The following GATA6 variants were observed in gnomAD, a reference collection of about 807,000 sequenced individuals.
GATA6 encodes the protein transcription factor GATA-6.
GATA6 carries 11 observed loss-of-function variants against 48.1 expected under a neutral mutation model. That is an observed-to-expected ratio of 0.23 (90% CI 0.14 to 0.38). The LOEUF (loss-of-function observed/expected upper bound fraction) is 0.38. Among genes scored for constraint, GATA6 ranks in the 10% least tolerant of loss-of-function variants. The pLI is 1.00. For synonymous variants in GATA6, 419 were observed against 396.1 expected (o/e 1.06, Z -0.69); for missense variants, 795 against 850.3 (o/e 0.93, Z 0.81).
chr18:22,194,964 G>A (rs1358240608), intron 6 of GATA6, among the ~76,000 whole-genome samples: 2 of 152,064 alleles, frequency 1.3e-5, no homozygotes, highest in Admixed American at 6.6e-5. Context: ...TCAGGAGTTC[G>A]AGATCAGCCT....
intron 2 of GATA6, among the ~76,000 whole-genome samples, chr18:22,175,216 TGAGA>T (rs1212750536): frequency 2.0e-5 from 3 of 152,160 alleles, no homozygotes; most frequent in Non-Finnish European, 4.4e-5. Context: ...AGGGAGGGAA[TGAGA>T]GAGATTTTAT....
chr18:22,181,318 T>A, intron 3 of GATA6, 135 bp from the exon 4 acceptor site: 1 of 1,124,144 alleles, frequency 8.9e-7, no homozygotes, highest in Non-Finnish European at 1.3e-6. Flanking sequence ...CAATTTTTTT[T>A]CTCAAGGACC....
intron 4 of GATA6, 70 bp from the exon 5 acceptor site, chr18:22,182,687 T>G: frequency 3.6e-6 from 4 of 1,101,822 alleles, no homozygotes; most frequent in Non-Finnish European, 5.4e-6. Context: ...GAGCTTTTAG[T>G]GCCAATGTTG....
intron 2 of GATA6, among the ~76,000 whole-genome samples, chr18:22,174,527 AAGTATT>A (rs2033097074): frequency 6.8e-6 from 1 of 146,302 alleles, no homozygotes; most frequent in African/African-American, 2.8e-5. Flanking sequence ...TTATTTTTTT[AAGTATT>A]TTTTTAAGTA....
intron 6 of GATA6, among the ~76,000 whole-genome samples, chr18:22,195,322 C>A (rs112439378): frequency 0.025 from 3,777 of 152,272 alleles, 158 homozygotes; most frequent in African/African-American, 0.085. Context: ...GCCCTTCTGA[C>A]CCGCCCTCCT....
rs1944909463 is a variant in GATA6, at chr18:22,172,047, G to T, written c.903G>T (p.Ala301=). Residue 301 remains alanine (A), a synonymous_variant, in exon 2 of 7, where the codon GCG becomes GCT. Coordinates refer to ENST00000269216, the MANE Select transcript of GATA6 (RefSeq NM_005257.6). This position sits in a 1 kb window ranked among gnomAD's most constrained non-coding sequence, Gnocchi z 5.2. ...TGAGCGGCGGCGGCAGTAGCCTGGC[G>T]GCCATGGGCGGCCGCGAGCCCCAGT... ...GGVSGGGSSL[A]AMGGREPQYS... 7.9e-7 allele frequency: 1 copy of T among 1,265,720 alleles called. No individual in the cohort carries two copies. Among genetic ancestry groups the T allele is most frequent in the Non-Finnish European group, 9.9e-7 (1 of 1,008,620 alleles). The allele number at this position is 1,265,720 out of a possible 1,614,324, so 78.4% of individuals were successfully genotyped here.
At chr18:22,176,787 C>T in intron 2 of GATA6, 168 bp from the exon 3 acceptor site, 1 of 751,608 alleles carries the variant, frequency 1.3e-6, no homozygotes, top group East Asian at 2.9e-5. Context: ...GCAATAGTGA[C>T]GAAATAACCC....
chr18:22,171,450 C>G lies in GATA6; in HGVS notation c.306C>G (p.Pro102=). 2 of 1,596,174 alleles carry G rather than the reference C, an allele frequency of 1.3e-6. No homozygotes were observed. The highest frequency in any genetic ancestry group is 1.7e-6 in the Non-Finnish European group (2 of 1,178,128). The change falls in exon 2 of 7, where the codon CCC becomes CCG. Residue 102 remains proline, a synonymous_variant. Transcript: ENST00000269216. This position sits in a 1 kb window ranked among gnomAD's most constrained non-coding sequence, Gnocchi z 7.1. ...HGPSAPGVAG[P]GGNLSSWEDL... is the part of the protein sequence containing the mutation. ...CTTCGGCGCCTGGGGTCGCGGGCCC[C>G]GGGGGCAACCTGTCGAGCTGGGAGG... is the stretch of plus-strand genomic sequence containing the variant.
intron 6 of GATA6, among the ~76,000 whole-genome samples, chr18:22,190,703 C>T (rs767187518): frequency 3.3e-5 from 5 of 152,204 alleles, no homozygotes; most frequent in African/African-American, 1.2e-4. Flanking sequence ...CTGGAACCGA[C>T]GTCTCCTGCC....
intron 2 of GATA6, among the ~76,000 whole-genome samples, chr18:22,173,366 C>T (rs556653307): frequency 2.4e-4 from 36 of 152,032 alleles, no homozygotes; most frequent in South Asian, 4.1e-4. Context: ...GGGGGAGGCC[C>T]CTTGAGTCAC....
chr18:22,184,315 C>G (rs1568000576), intron 6 of GATA6, among the ~76,000 whole-genome samples: 1 of 150,520 alleles, frequency 6.6e-6, no homozygotes, highest in African/African-American at 2.4e-5. Context: ...TAGAGTTTCA[C>G]AAGGGAAGAA....
chr18:22,200,434 G>A (rs1319333202), intron 6 of GATA6, among the ~76,000 whole-genome samples: 3 of 152,204 alleles, frequency 2.0e-5, no homozygotes, highest in Non-Finnish European at 4.4e-5. Flanking sequence ...TAAGTGGCCA[G>A]GGTCAGGTCA....
At position 22,200,966 on chromosome 18, in the gene GATA6, C is replaced by CA; in HGVS notation, c.*145dup. The CA allele has an allele frequency of 3.0e-6, 3 of 992,498 alleles. No individual in the cohort carries two copies. The highest frequency in any genetic ancestry group is 2.9e-6 in the Non-Finnish European group (2 of 682,914). 61.5% of individuals were successfully genotyped at this position (992,498 alleles called of 1,614,324 possible). A position where few individuals can be genotyped will look rare whatever the true frequency, so the allele number is the denominator to read the frequency against. ...TTTATTTTGAAAGAGATGTTTTTCC[C>CA]AAGAGGCTTGCTGAAAGAGTGAGAG... On this transcript the variant is annotated 3_prime_UTR_variant, in exon 7 of 7. Transcript: ENST00000269216.
chr18:22,175,428 T>C (rs1239941742), intron 2 of GATA6: 2 of 152,220 alleles, frequency 1.3e-5, no homozygotes, highest in Non-Finnish European at 2.9e-5. Context: ...AGAGGGGCTC[T>C]GATAGGTAAC....
rs1204087194 is a variant in GATA6, at chr18:22,183,127, C to T, written c.1620+84C>T. The T allele has an allele frequency of 4.7e-6, 5 of 1,060,458 alleles. No individual in the cohort carries two copies. The African/African-American group carries it at 6.4e-5, about 13-fold the overall frequency. The allele number at this position is 1,060,458 out of a possible 1,614,324, so 65.7% of individuals were successfully genotyped here. A position where few individuals can be genotyped will look rare whatever the true frequency, so the allele number is the denominator to read the frequency against. ...TCAAATTTTATCTTATCTGGTAGTA[C>T]AATAATCTAAACCAACAGTTCAGTT... On this transcript the variant is annotated intron_variant, in intron 6 of 6. Coordinates refer to ENST00000269216, the MANE Select transcript of GATA6 (RefSeq NM_005257.6).
intron 2 of GATA6, among the ~76,000 whole-genome samples, chr18:22,173,594 A>G (rs2033084216): frequency 6.6e-6 from 1 of 152,220 alleles, no homozygotes. Context: ...AGAGGGAACC[A>G]ATTTGAACAG....
At chr18:22,181,882 AAAGT>A (rs2033200790) in intron 4 of GATA6, among the ~76,000 whole-genome samples, 1 of 151,114 alleles carries the variant, frequency 6.6e-6, no homozygotes, top group East Asian at 1.9e-4. Flanking sequence ...GAAAATGTGA[AAAGT>A]GTGTATTTTA....
chr18:22,194,310 C>T (rs1189890222), intron 6 of GATA6, among the ~76,000 whole-genome samples: 2 of 152,216 alleles, frequency 1.3e-5, no homozygotes, highest in African/African-American at 2.4e-5. Context: ...CAGGAAGTGC[C>T]TCCATTTTCA....
intron 6 of GATA6, among the ~76,000 whole-genome samples, chr18:22,183,525 AGT>A (rs536868701): frequency 8.3e-4 from 126 of 152,228 alleles, no homozygotes; most frequent in Non-Finnish European, 1.2e-3. Context: ...CTCATCATAA[AGT>A]GTTATATGCT....
Sources: allele counts gnomAD v4.1 joint callset (sites outside exome capture counted in the v4.1 genomes callset), GRCh38; gene constraint gnomAD v4.1.1; non-coding constraint Gnocchi (gnomAD v3.1); transcripts MANE v1.5; gene names NCBI Gene and HGNC (gene_info 2026-07-23, HGNC 2026-07-21).